CDIN1: variants seen among roughly 807,000 people sequenced by gnomAD.
CDIN1 encodes the protein CDAN1-interacting nuclease 1.
Under a neutral mutation model 45.3 loss-of-function variants are expected in CDIN1, and 33 were observed. The observed-to-expected ratio is 0.73, with a 90% confidence interval of 0.55 to 0.97. CDIN1 has a LOEUF of 0.97. Ranked by LOEUF, CDIN1 falls within the 50% of genes least tolerant of loss-of-function variation. The pLI, the probability that CDIN1 is intolerant of heterozygous loss-of-function variation, is 0.00. For synonymous variants in CDIN1, 118 were observed against 124.4 expected, an observed-to-expected ratio of 0.95 and a Z score of 0.34; for missense variants, 303 against 339.4, an observed-to-expected ratio of 0.89 and a Z score of 0.84.
rs34845224 is a variant in CDIN1, at chr15:36,725,317, C to CTT, written c.716+15371_716+15372dup. Among the ~76,000 whole-genome samples the CTT allele has an allele frequency of 3.1e-3, 432 of 139,900 alleles. 6 individuals are homozygous for CTT. In the South Asian group the frequency reaches 0.034, roughly 11 times the overall value. 91.8% of individuals were successfully genotyped at this position (139,900 alleles called of 152,430 possible). A position where few individuals can be genotyped will look rare whatever the true frequency, so the allele number is the denominator to read the frequency against. Reference sequence around the variant, plus strand: ...ATTGCTTTTTACATTTCTCTTGCCTCTTTTTTTTTTTTTTTTCCAGTTACC... The same window carrying CTT: ...ATTGCTTTTTACATTTCTCTTGCCTCTTTTTTTTTTTTTTTTTTCCAGTTACC... On this transcript the variant is annotated intron_variant, in intron 10 of 10. Transcript: ENST00000566621.
chr15:36,609,110 C>A (rs539558284), intron 1 of CDIN1, among the ~76,000 whole-genome samples: 4 of 152,220 alleles, frequency 2.6e-5, no homozygotes, highest in East Asian at 1.9e-4. Flanking sequence ...TCACACGCTC[C>A]GGTGATGCTT....
At chr15:36,673,177 G>A (rs551774181) in intron 5 of CDIN1, among the ~76,000 whole-genome samples, 1 of 152,172 alleles carries the variant, frequency 6.6e-6, no homozygotes, top group South Asian at 2.1e-4. Context: ...AATCAAATGA[G>A]GGCTTTAGCA....
intron 5 of CDIN1, among the ~76,000 whole-genome samples, chr15:36,687,455 C>A (rs972544148): frequency 6.6e-6 from 1 of 152,034 alleles, no homozygotes; most frequent in African/African-American, 2.4e-5. Flanking sequence ...GGAGGCAGAT[C>A]CTATCCAAAA....
intron 10 of CDIN1, among the ~76,000 whole-genome samples, chr15:36,780,927 C>A (rs1456089506): frequency 6.6e-6 from 1 of 152,110 alleles, no homozygotes; most frequent in African/African-American, 2.4e-5. Context: ...ATTAATTATA[C>A]CTATGAACTT....
intron 5 of CDIN1, among the ~76,000 whole-genome samples, chr15:36,686,241 T>A (rs2042038920): frequency 6.6e-6 from 1 of 151,536 alleles, no homozygotes; most frequent in Non-Finnish European, 1.5e-5. Context: ...TAAAAAATGA[T>A]GAGTTCGTGT....
intron 1 of CDIN1, chr15:36,614,144 A>G: frequency 1.4e-6 from 1 of 725,374 alleles, no homozygotes. Flanking sequence ...ACCAAAGAGG[A>G]GTATTCTGTA....
intron 10 of CDIN1, among the ~76,000 whole-genome samples, chr15:36,713,139 G>T (rs1472860382): frequency 2.0e-5 from 3 of 152,122 alleles, no homozygotes; most frequent in African/African-American, 7.2e-5. Context: ...AAGAGGCAGG[G>T]ATAGACACAT....
chr15:36,638,383 T>G (rs1433498863), intron 1 of CDIN1, among the ~76,000 whole-genome samples: 1 of 152,170 alleles, frequency 6.6e-6, no homozygotes, highest in Non-Finnish European at 1.5e-5. Context: ...TTTTATAAAA[T>G]TAACACTTAC....
At chr15:36,786,874 C>T (rs1040125192) in intron 10 of CDIN1, among the ~76,000 whole-genome samples, 1 of 152,052 alleles carries the variant, frequency 6.6e-6, no homozygotes, top group Non-Finnish European at 1.5e-5. Flanking sequence ...ACCCTTCAAA[C>T]CCACTCTTGA....
intron 5 of CDIN1, among the ~76,000 whole-genome samples, chr15:36,665,799 CT>C (rs772141920): frequency 1.1e-3 from 163 of 151,608 alleles, no homozygotes; most frequent in African/African-American, 3.6e-3. Flanking sequence ...ATTTCATATA[CT>C]TTTTTTTTCT....
At chr15:36,676,776 A>T (rs976741083) in intron 5 of CDIN1, among the ~76,000 whole-genome samples, 5 of 152,138 alleles carry the variant, frequency 3.3e-5, no homozygotes, top group Non-Finnish European at 5.9e-5. Flanking sequence ...TCCCTTCATT[A>T]TGTGGCCCTA....
At position 36,615,933 on chromosome 15, in the gene CDIN1, T is replaced by C. The variant is rs1377906520; in HGVS notation, c.102-28345T>C. Among the ~76,000 whole-genome samples, 3 of 152,354 alleles carry C rather than the reference T, an allele frequency of 2.0e-5. No individual in the cohort carries two copies. In the East Asian group the frequency reaches 5.8e-4, roughly 29 times the overall value. The stretch of plus-strand genomic sequence containing the variant: ...CCAGGTATCCTCCTTCATATTTTTA[T>C]TCTAAAAGCAATTCTGAAGAACATT... On this transcript the variant is annotated intron_variant, in intron 1 of 10. Coordinates refer to ENST00000566621, the MANE Select transcript of CDIN1 (RefSeq NM_001321759.2).
chr15:36,592,897 C>T (rs779503115), intron 1 of CDIN1, among the ~76,000 whole-genome samples: 5 of 151,880 alleles, frequency 3.3e-5, no homozygotes, highest in East Asian at 1.9e-4. Context: ...GTGGTACACC[C>T]GAGGGTTTAT....
rs918204961 is a variant in CDIN1, at chr15:36,654,101, C to T, written c.216C>T (p.Tyr72=). The part of the protein sequence containing the change: ...SEAIESYYQR[Y]LNGVVKNGAA... ...CACTTGGCTTTGTCTTGTCTAGGTACCTGAATGGAGTGGTGAAAAATGGAG... is the reference window on the plus strand; with the variant it reads ...CACTTGGCTTTGTCTTGTCTAGGTATCTGAATGGAGTGGTGAAAAATGGAG... The change falls in exon 4 of 11, where the codon TAC becomes TAT. Residue 72 remains tyrosine, a synonymous_variant. Coordinates refer to ENST00000566621, the MANE Select transcript of CDIN1 (RefSeq NM_001321759.2). 6.3e-6 allele frequency: 10 copies of T among 1,577,074 alleles called. No individual in the cohort carries two copies. The highest frequency in any genetic ancestry group is 4.7e-5 in the South Asian group (4 of 86,006).
intron 1 of CDIN1, among the ~76,000 whole-genome samples, chr15:36,625,835 A>G (rs1325477992): frequency 6.6e-6 from 1 of 152,194 alleles, no homozygotes; most frequent in Non-Finnish European, 1.5e-5. Context: ...GCAAAATACC[A>G]TAGATTGGGT....
At chr15:36,664,004 C>G (rs763058059) in intron 5 of CDIN1, among the ~76,000 whole-genome samples, 4 of 152,098 alleles carry the variant, frequency 2.6e-5, no homozygotes, top group Admixed American at 6.5e-5. Flanking sequence ...AACTTCAGGT[C>G]TGAACTACGG....
intron 1 of CDIN1, among the ~76,000 whole-genome samples, chr15:36,616,900 G>A (rs2038920039): frequency 6.6e-6 from 1 of 152,022 alleles, no homozygotes; most frequent in African/African-American, 2.4e-5. Flanking sequence ...ACTCCAGCTT[G>A]GGTGACACAG....
At chr15:36,706,671 G>T (rs1040590175) in intron 8 of CDIN1, 1 of 151,650 alleles carries the variant, frequency 6.6e-6, no homozygotes, top group Non-Finnish European at 1.5e-5. Context: ...TCAGTATTAA[G>T]GAAAGAGATG....
chr15:36,657,856 G>A lies in CDIN1; in HGVS notation c.297G>A (p.Met99Ile), dbSNP rs2040842998. 2 of 1,611,912 alleles carry A rather than the reference G, an allele frequency of 1.2e-6. No individual in the cohort carries two copies. The highest frequency in any genetic ancestry group is 2.2e-5 in the East Asian group (1 of 44,826). Reference sequence around the variant, plus strand: ...AGGTGGACTATGCGCCCTCATTAATGGCTCGGCTTATACTGGAGAGGTTTC... The same window carrying A: ...AGGTGGACTATGCGCCCTCATTAATAGCTCGGCTTATACTGGAGAGGTTTC... ...ANEVDYAPSL[M>I]ARLILERFLQ... Residue 99 changes from methionine (M) to isoleucine (I), a missense_variant, in exon 5 of 11, where the codon ATG (methionine) becomes ATA (isoleucine). By Grantham distance (10) the Met-to-Ile change is conservative (BLOSUM62 1). Coordinates refer to ENST00000566621, the MANE Select transcript of CDIN1 (RefSeq NM_001321759.2).
Sources: allele counts gnomAD v4.1 joint callset (sites outside exome capture counted in the v4.1 genomes callset), GRCh38; gene constraint gnomAD v4.1.1; transcripts MANE v1.5; gene names NCBI Gene and HGNC (gene_info 2026-07-23, HGNC 2026-07-21).